The following PPP1R37 variants were observed in gnomAD, a reference collection of about 807,000 sequenced individuals.
PPP1R37 encodes leucine rich repeat containing 68.
PPP1R37 carries 21 observed loss-of-function variants against 61.0 expected under a neutral mutation model. That is an observed-to-expected ratio of 0.34 (90% CI 0.24 to 0.50). The LOEUF is 0.50. PPP1R37 is among the 20% of genes least tolerant of loss of function. The probability of loss-of-function intolerance (pLI) is 0.98; values close to 1 mark genes in which losing one functional copy is unlikely to be tolerated. For missense variants in PPP1R37, 910 were observed against 952.7 expected (o/e 0.96, Z 0.59); for synonymous variants, 443 against 433.5 (o/e 1.02, Z -0.27).
chr19:45,100,171 T>C lies in PPP1R37; in HGVS notation c.202+6644T>C, dbSNP rs546014269. Reference sequence around the variant, plus strand: ...TGGTTCTGACAACCTCGCTTGGCTGTCTGTGTGCTTTGCTCCGCCATCCAT... The same window carrying C: ...TGGTTCTGACAACCTCGCTTGGCTGCCTGTGTGCTTTGCTCCGCCATCCAT... On this transcript the variant is annotated intron_variant, in intron 1 of 12. Coordinates refer to ENST00000221462, the MANE Select transcript of PPP1R37 (RefSeq NM_019121.2). 3 of 152,374 alleles carry C rather than the reference T, an allele frequency of 2.0e-5. No individual in the cohort carries two copies. The East Asian group carries it at 5.8e-4, about 29-fold the overall frequency. 9.4% of individuals were successfully genotyped at this position (152,374 alleles called of 1,614,324 possible). A position where few individuals can be genotyped will look rare whatever the true frequency, so the allele number is the denominator to read the frequency against.
chr19:45,137,490 G>A (rs1041033979), intron 1 of PPP1R37, among the ~76,000 whole-genome samples: 4 of 152,028 alleles, frequency 2.6e-5, no homozygotes, highest in Non-Finnish European at 4.4e-5. Flanking sequence ...TCCAGGGACC[G>A]GGGCTGCAGC....
At chr19:45,117,205 G>T (rs1022150985) in intron 1 of PPP1R37, among the ~76,000 whole-genome samples, 1 of 152,144 alleles carries the variant, frequency 6.6e-6, no homozygotes, top group Non-Finnish European at 1.5e-5. Context: ...GAGCCATTGC[G>T]CCTGGCCAGG....
At chr19:45,114,211 G>A (rs551540765) in intron 1 of PPP1R37, among the ~76,000 whole-genome samples, 2 of 152,390 alleles carry the variant, frequency 1.3e-5, no homozygotes, top group East Asian at 3.9e-4. Context: ...AGTTATCAGG[G>A]CCAGAATCCA....
chr19:45,126,460 G>T (rs1968406140), intron 1 of PPP1R37, among the ~76,000 whole-genome samples: 1 of 152,176 alleles, frequency 6.6e-6, no homozygotes, highest in South Asian at 2.1e-4. Flanking sequence ...CAGGCGCCTG[G>T]CTTCGAGGCC....
chr19:45,105,964 TCTGACAGTGGC>T lies in PPP1R37; in HGVS notation c.202+12442_202+12452del, dbSNP rs565570143. Among the ~76,000 whole-genome samples the T allele has an allele frequency of 2.0e-5, 3 of 152,332 alleles. No homozygotes were observed. The East Asian group carries it at 5.8e-4, about 29-fold the overall frequency. ...TGGAGCCTGGCTTAGAGTGCCCAAG[TCTGACAGTGGC>T]CTGATCCTGTCTGGTCCTGGGGTGG... is the stretch of plus-strand genomic sequence containing the variant. On this transcript the variant is annotated intron_variant, in intron 1 of 12. Transcript: ENST00000221462.
In PPP1R37 at chr19:45,146,586, C is replaced by A; in HGVS notation, c.*24C>A. On this transcript the variant is annotated 3_prime_UTR_variant, in exon 13 of 13. Coordinates refer to ENST00000221462, the MANE Select transcript of PPP1R37 (RefSeq NM_019121.2). The stretch of plus-strand genomic sequence containing the variant: ...CCTCCCCAAGTTCCCTTTTTCCGGT[C>A]GGTCTGCGATGAGCTGAGGCCAGAG... 1.2e-6 allele frequency: 1 copy of A among 807,956 alleles called. No homozygotes were observed. Among genetic ancestry groups the A allele is most frequent in the Non-Finnish European group, 2.0e-6 (1 of 509,352 alleles). The allele number at this position is 807,956 out of a possible 1,614,324, so 50.0% of individuals were successfully genotyped here. A position where few individuals can be genotyped will look rare whatever the true frequency, so the allele number is the denominator to read the frequency against.
At chr19:45,127,364 A>C (rs966167395) in intron 1 of PPP1R37, among the ~76,000 whole-genome samples, 4 of 151,406 alleles carry the variant, frequency 2.6e-5, no homozygotes, top group Admixed American at 1.3e-4. Context: ...AAAAAAAAAA[A>C]AAAAAAAAAA....
At chr19:45,105,991 C>T (rs1422805752) in intron 1 of PPP1R37, among the ~76,000 whole-genome samples, 1 of 152,214 alleles carries the variant, frequency 6.6e-6, no homozygotes, top group Non-Finnish European at 1.5e-5. Context: ...CCTGTCTGGT[C>T]CTGGGGTGGA....
chr19:45,093,604 C>G (rs1337646429), intron 1 of PPP1R37, 77 bp downstream of exon 1: 4 of 1,152,240 alleles, frequency 3.5e-6, no homozygotes, highest in Non-Finnish European at 4.9e-6. Context: ...GGGCCCGGCT[C>G]GAGGTGGCGT....
In PPP1R37 at chr19:45,145,869, C is replaced by T. The variant is rs866463246; in HGVS notation, c.1813C>T (p.Pro605Ser). The part of the protein sequence containing the change: ...PPSPPASPSL[P>S]PAGAIDTRDT... ...CTCCCCACCCGCCTCACCTTCCCTA[C>T]CACCAGCCGGGGCCATTGACACCCG... Residue 605 changes from proline (P) to serine (S), a missense_variant, in exon 11 of 13, where the codon CCA (proline) becomes TCA (serine). Pro to Ser is a moderately conservative substitution (Grantham distance 74, BLOSUM62 -1). Transcript: ENST00000221462. 3 of 1,523,584 alleles carry T rather than the reference C, an allele frequency of 2.0e-6. No homozygotes were observed. Among genetic ancestry groups the T allele is most frequent in the Middle Eastern group, 2.0e-4 (1 of 4,982 alleles). 94.4% of individuals were successfully genotyped at this position (1,523,584 alleles called of 1,614,324 possible).
chr19:45,101,281 G>T, intron 1 of PPP1R37, among the ~76,000 whole-genome samples: 1 of 152,242 alleles, frequency 6.6e-6, no homozygotes, highest in East Asian at 1.9e-4. Flanking sequence ...GAGAGAACCA[G>T]CCTGGTATGT....
chr19:45,135,140 C>T (rs1316626138), intron 1 of PPP1R37, among the ~76,000 whole-genome samples: 3 of 152,162 alleles, frequency 2.0e-5, no homozygotes, highest in South Asian at 4.2e-4. Flanking sequence ...TCCAGCAACT[C>T]GGGAGGCTGA....
chr19:45,140,946 C>G (rs557553387), intron 4 of PPP1R37, among the ~76,000 whole-genome samples: 3 of 152,108 alleles, frequency 2.0e-5, no homozygotes, highest in African/African-American at 7.2e-5. Context: ...TGAGAGCAGC[C>G]TCCCATCAAG....
At chr19:45,141,991 G>T (rs919213429) in intron 5 of PPP1R37, 70 bp from the exon 6 acceptor site, 2 of 1,153,834 alleles carry the variant, frequency 1.7e-6, no homozygotes, top group Admixed American at 6.3e-5. Flanking sequence ...GTGCTGGGGC[G>T]GTCCTGGGGC....
intron 2 of PPP1R37, among the ~76,000 whole-genome samples, chr19:45,139,706 CCTTGGA>C (rs956308136): frequency 6.6e-6 from 1 of 152,190 alleles, no homozygotes; most frequent in Non-Finnish European, 1.5e-5. Context: ...GAGGGTGGGT[CCTTGGA>C]CCCCATCGGC....
At chr19:45,096,037 T>G (rs1437933748) in intron 1 of PPP1R37, among the ~76,000 whole-genome samples, 2 of 152,148 alleles carry the variant, frequency 1.3e-5, no homozygotes, top group Non-Finnish European at 2.9e-5. Context: ...GTGGCAATAC[T>G]CTTGCCACGG....
intron 1 of PPP1R37, among the ~76,000 whole-genome samples, chr19:45,097,242 A>G (rs547966622): frequency 1.3e-5 from 2 of 151,120 alleles, no homozygotes; most frequent in South Asian, 4.2e-4. Flanking sequence ...GGGGAGGGAC[A>G]GGGGGTGTCA....
At position 45,143,725 on chromosome 19, in the gene PPP1R37, C is replaced by T; in HGVS notation, c.987+92C>T. On this transcript the variant is annotated intron_variant, in intron 8 of 12. Coordinates refer to ENST00000221462, the MANE Select transcript of PPP1R37 (RefSeq NM_019121.2). ...GCACAGTTGCCTCTAGCTGACGGCT[C>T]CTGTCCTGCCCATCCTGCAGGTTCA... is the stretch of plus-strand genomic sequence containing the variant. The T allele has an allele frequency of 2.1e-5, 14 of 672,212 alleles. No individual in the cohort carries two copies. In the South Asian group the frequency reaches 2.1e-4, roughly 10 times the overall value. The allele number at this position is 672,212 out of a possible 1,614,324, so 41.6% of individuals were successfully genotyped here.
rs376916720 is a variant in PPP1R37 at position 45,121,782 on chromosome 19, T to C, written c.203-16732T>C. Among the ~76,000 whole-genome samples, 6 of 152,196 alleles carry C rather than the reference T, an allele frequency of 3.9e-5. No individual in the cohort carries two copies. Among genetic ancestry groups the C allele is most frequent in the African/African-American group, 1.4e-4 (6 of 41,450 alleles). On this transcript the variant is annotated intron_variant, in intron 1 of 12. Coordinates refer to ENST00000221462, the MANE Select transcript of PPP1R37 (RefSeq NM_019121.2). This position sits in a 1 kb window ranked among gnomAD's most constrained non-coding sequence, Gnocchi z 4.2. Reference sequence around the variant, plus strand: ...ACTTAGAAATCTGGGTTTGACTACATATCAGGCTGCCCTGGGGCCCCTTTC... The same window carrying C: ...ACTTAGAAATCTGGGTTTGACTACACATCAGGCTGCCCTGGGGCCCCTTTC...
Sources: gnomAD v4.1 joint callset for allele counts (sites outside exome capture counted in the v4.1 genomes callset) on GRCh38, gnomAD v4.1.1 for gene constraint, Gnocchi (gnomAD v3.1) non-coding constraint, MANE v1.5 for transcripts, NCBI Gene and HGNC (gene_info 2026-07-23, HGNC 2026-07-21) for gene names.